Variants in DGKH observed in about 807,000 individuals in gnomAD.
DGKH encodes the protein diacylglycerol kinase eta.
Under a neutral mutation model 159.3 loss-of-function variants are expected in DGKH, and 90 were observed. The observed-to-expected ratio is 0.57, with a 90% CI of 0.48 to 0.67. The LOEUF is 0.67. Ranked by LOEUF, DGKH falls within the 30% of genes least tolerant of loss-of-function variation. DGKH has a pLI of 0.00. For synonymous variants in DGKH, 536 were observed against 553.8 expected (o/e 0.97, Z 0.45); for missense variants, 1,181 against 1,506.1 (o/e 0.78, Z 3.57).
intron 21 of DGKH, among the ~76,000 whole-genome samples, chr13:42,207,693 G>GTATATATATATATATA (rs368253963): frequency 0.024 from 2,976 of 126,214 alleles, 109 homozygotes; most frequent in South Asian, 0.054. Context: ...TTATTAAAGT[G>GTATATATATATATATA]TGTATATATA....
upstream of DGKH, among the ~76,000 whole-genome samples, chr13:42,047,371 T>G (rs978968618): frequency 6.6e-6 from 1 of 151,894 alleles, no homozygotes; most frequent in Non-Finnish European, 1.5e-5. Context: ...ACCTTAAAGG[T>G]CATGTCAACT....
In DGKH at chr13:42,128,469, G is replaced by A. The variant is rs149584081; in HGVS notation, c.303+896G>A. Among the ~76,000 whole-genome samples the A allele has an allele frequency of 4.9e-3, 738 of 152,148 alleles. 1 individual carries two copies. Among genetic ancestry groups the A allele is most frequent in the Middle Eastern group, 0.031 (9 of 294 alleles). ...TTATGTTCAAAATTGTCCCTGATCT[G>A]TCTCCATCCTGATTTTTCACATTTA... On this transcript the variant is annotated intron_variant, in intron 2 of 29. Transcript: ENST00000337343.
chr13:42,076,498 T>A (rs1467656573), intron 1 of DGKH, among the ~76,000 whole-genome samples: 2 of 152,134 alleles, frequency 1.3e-5, no homozygotes. Flanking sequence ...AAAGACACGG[T>A]ATTTATATCA....
intron 13 of DGKH, 46 bp downstream of exon 13, chr13:42,178,266 A>G: frequency 1.4e-6 from 2 of 1,428,954 alleles, no homozygotes; most frequent in Non-Finnish European, 1.9e-6. Context: ...AAATGAAATG[A>G]TAGCTGGCTC....
intron 1 of DGKH, among the ~76,000 whole-genome samples, chr13:42,087,525 ATTAGT>A (rs1281004419): frequency 6.6e-6 from 1 of 152,300 alleles, no homozygotes; most frequent in Admixed American, 6.5e-5. Context: ...AACAACTACT[ATTAGT>A]ATACTTCGTT....
chr13:42,136,481 C>G (rs925515615), intron 3 of DGKH, among the ~76,000 whole-genome samples: 4 of 152,180 alleles, frequency 2.6e-5, no homozygotes, highest in African/African-American at 9.7e-5. Context: ...TCAAAGCATG[C>G]TGTTCAAATG....
rs1956114017 is a variant in DGKH, at chr13:42,159,205, A to G, written c.623-61A>G. The G allele has an allele frequency of 1.1e-5, 10 of 944,738 alleles. No individual in the cohort carries two copies. The South Asian group carries it at 1.8e-4, about 17-fold the overall frequency. 58.5% of individuals were successfully genotyped at this position (944,738 alleles called of 1,614,324 possible). On this transcript the variant is annotated intron_variant, in intron 5 of 29. Coordinates refer to ENST00000337343, the MANE Select transcript of DGKH (RefSeq NM_178009.5). ...TTTTATGCTGTGATTTCCTTTAATCATTGGTCCAAAATTTCTTGTCCACTT... is the reference window on the plus strand; with the variant it reads ...TTTTATGCTGTGATTTCCTTTAATCGTTGGTCCAAAATTTCTTGTCCACTT...
chr13:42,139,502 G>A (rs999469944), intron 3 of DGKH, among the ~76,000 whole-genome samples: 1 of 152,144 alleles, frequency 6.6e-6, no homozygotes, highest in African/African-American at 2.4e-5. Flanking sequence ...ATCATTTGCT[G>A]TGCCTGGTGT....
At chr13:42,098,546 T>C (rs1954591896) in intron 1 of DGKH, among the ~76,000 whole-genome samples, 1 of 152,184 alleles carries the variant, frequency 6.6e-6, no homozygotes, top group African/African-American at 2.4e-5. Context: ...ATTTGTGTCA[T>C]ATTTTAGGAG....
rs1594101660 is a variant in DGKH, at chr13:42,151,533, A to AAC, written c.385-3758_385-3757insAC. On this transcript the variant is annotated intron_variant, in intron 3 of 29. Transcript: ENST00000337343. Reference sequence around the variant, plus strand: ...TACACATGTATATATATACACGTGTATATATATATATACACGTGTATATAT... The same window carrying AAC: ...TACACATGTATATATATACACGTGTAACTATATATATATACACGTGTATATAT... 9.2e-5 allele frequency among the ~76,000 whole-genome samples: 4 copies of AAC among 43,654 alleles called. No homozygotes were observed. In the East Asian group the frequency reaches 0.011, roughly 123 times the overall value. The allele number at this position is 43,654 out of a possible 152,430, so 28.6% of individuals were successfully genotyped here.
intron 24 of DGKH, among the ~76,000 whole-genome samples, chr13:42,211,722 T>G (rs1237437358): frequency 6.7e-6 from 1 of 150,072 alleles, no homozygotes; most frequent in Non-Finnish European, 1.5e-5. Context: ...AAAAAAGAGG[T>G]TTAATAGACT....
chr13:42,135,974 G>C (rs929667145), intron 3 of DGKH, among the ~76,000 whole-genome samples: 7 of 152,210 alleles, frequency 4.6e-5, no homozygotes, highest in Non-Finnish European at 8.8e-5. Context: ...CTTAGACCAT[G>C]AAAGTCAAAC....
chr13:42,087,246 A>G (rs544291225), intron 1 of DGKH, among the ~76,000 whole-genome samples: 1 of 152,140 alleles, frequency 6.6e-6, no homozygotes, highest in Non-Finnish European at 1.5e-5. Flanking sequence ...CCTTAGAGTA[A>G]AGGCTGCTCT....
At chr13:42,207,153 CCTTCCTTCCTTCCT>C (rs1566192799) in intron 21 of DGKH, among the ~76,000 whole-genome samples, 68 of 73,746 alleles carry the variant, frequency 9.2e-4, no homozygotes, top group African/African-American at 2.5e-3. Flanking sequence ...TTCCTTCCTT[CCTTCCTTCCTTCCT>C]TCCTTCCTTC....
chr13:42,064,115 C>T (rs1010422606), intron 1 of DGKH, among the ~76,000 whole-genome samples: 5 of 152,050 alleles, frequency 3.3e-5, no homozygotes, highest in African/African-American at 9.7e-5. Flanking sequence ...GTCAGTTTAT[C>T]CATACAAGCC....
At chr13:42,178,333 G>C (rs889360421) in intron 13 of DGKH, 113 bp downstream of exon 13, 14 of 786,170 alleles carry the variant, frequency 1.8e-5, no homozygotes, top group Non-Finnish European at 2.7e-5. Context: ...CTTGGAAGTA[G>C]CTTATAAAAT....
At chr13:42,146,104 T>A (rs1222023270) in intron 3 of DGKH, among the ~76,000 whole-genome samples, 1 of 151,758 alleles carries the variant, frequency 6.6e-6, no homozygotes, top group Non-Finnish European at 1.5e-5. Context: ...AAGCAGTTAA[T>A]CCTTTTCCCT....
chr13:42,208,665 A>G (rs1957565457), intron 21 of DGKH, among the ~76,000 whole-genome samples: 1 of 151,830 alleles, frequency 6.6e-6, no homozygotes, highest in African/African-American at 2.4e-5. Flanking sequence ...TGTATTTAAC[A>G]TGTTTTATTC....
Position 42,229,250 on chromosome 13 carries a change from C to A in DGKH, c.*62C>A. 2 of 1,444,408 alleles carry A rather than the reference C, an allele frequency of 1.4e-6. No homozygotes were observed. Among genetic ancestry groups the A allele is most frequent in the Non-Finnish European group, 1.9e-6 (2 of 1,049,994 alleles). 89.5% of individuals were successfully genotyped at this position (1,444,408 alleles called of 1,614,324 possible). On this transcript the variant is annotated 3_prime_UTR_variant, in exon 30 of 30. Transcript: ENST00000337343. ...CCACTTAATACAAAGTCCTTGGAAG[C>A]AAGTGGCTGTTCTTGTAGTTTTCTG...
Sources: allele counts gnomAD v4.1 joint callset (sites outside exome capture counted in the v4.1 genomes callset), GRCh38; gene constraint gnomAD v4.1.1; transcripts MANE v1.5; gene names NCBI Gene and HGNC (gene_info 2026-07-23, HGNC 2026-07-21).